The following MED7 variants were observed in gnomAD, a reference collection of about 807,000 sequenced individuals.
The protein encoded by MED7 is mediator complex subunit 7.
Under a neutral mutation model 16.6 loss-of-function variants are expected in MED7, and 7 were observed. The observed-to-expected ratio is 0.42, with a 90% CI of 0.24 to 0.79. The LOEUF is 0.79. Ranked by LOEUF, MED7 falls within the 30% of genes least tolerant of loss-of-function variation. The pLI, the probability that MED7 is intolerant of heterozygous loss-of-function variation, is 0.27. For missense variants in MED7, 240 were observed against 286.3 expected (o/e 0.84, Z 1.17); for synonymous variants, 88 against 90.5 (o/e 0.97, Z 0.16).
Position 157,138,982 on chromosome 5 carries a change from A to C in MED7, c.450T>G (p.Ala150=). ...GTTCCAGGTGCTTTTGAAATCTCTC[A>C]GCTGTTTCAAGCCGTTGACGTTTCT... is the stretch of plus-strand genomic sequence containing the variant. ...EVQKRQRLET[A]ERFQKHLERV... is the part of the protein sequence containing the mutation. Residue 150 remains alanine (A), a synonymous_variant, in exon 2 of 2, where the codon GCT becomes GCG. Transcript: ENST00000286317. 1.2e-6 allele frequency: 2 copies of C among 1,614,184 alleles called. No homozygotes were observed. The highest frequency in any genetic ancestry group is 1.7e-6 in the Non-Finnish European group (2 of 1,180,038).
At chr5:157,141,707 G>A (rs1757727306) in intron 1 of MED7, among the ~76,000 whole-genome samples, 2 of 152,032 alleles carry the variant, frequency 1.3e-5, no homozygotes. Flanking sequence ...TCCTGCCTGA[G>A]CCTCCTGAGT....
chr5:157,141,098 T>G (rs1757715904), intron 1 of MED7, among the ~76,000 whole-genome samples: 1 of 152,136 alleles, frequency 6.6e-6, no homozygotes, highest in Non-Finnish European at 1.5e-5. Flanking sequence ...TTTTTTTCCC[T>G]GAGACAGTGT....
chr5:157,141,282 G>C (rs1056536515), intron 1 of MED7, among the ~76,000 whole-genome samples: 2 of 152,044 alleles, frequency 1.3e-5, no homozygotes, highest in African/African-American at 4.8e-5. Flanking sequence ...AGATTTCATC[G>C]TGTTAGCCAG....
At chr5:157,141,462 G>A (rs975890685) in intron 1 of MED7, among the ~76,000 whole-genome samples, 2 of 152,186 alleles carry the variant, frequency 1.3e-5, no homozygotes, top group Non-Finnish European at 2.9e-5. Context: ...TTTCCTACAC[G>A]ATGTGCATTC....
At chr5:157,139,838 T>C (rs1180338136) in intron 1 of MED7, among the ~76,000 whole-genome samples, 2 of 152,154 alleles carry the variant, frequency 1.3e-5, no homozygotes, top group Admixed American at 6.6e-5. Context: ...TTTTATGTTA[T>C]AGATTTATTT....
Position 157,139,303 on chromosome 5 carries a change from C to A in MED7, c.129G>T (p.Met43Ile). The change falls in exon 2 of 2, where the codon ATG (methionine) becomes ATT (isoleucine). Residue 43 changes from methionine to isoleucine, a missense_variant. Met to Ile is a conservative substitution (Grantham distance 10). Coordinates refer to ENST00000286317, the MANE Select transcript of MED7 (RefSeq NM_004270.5). ...CACATTGGAACTGATTGCCAAACAT[C>A]ATGTAACTGTCTTTTATTGGAGGGG... ...KPPPPIKDSYMMFGNQFQCDD... is the reference protein window; with the variant it reads ...KPPPPIKDSYIMFGNQFQCDD... 1 of 1,614,124 alleles carries A rather than the reference C, an allele frequency of 6.2e-7. No individual in the cohort carries two copies. Among genetic ancestry groups the A allele is most frequent in the Non-Finnish European group, 8.5e-7 (1 of 1,180,018 alleles).
chr5:157,140,168 A>G (rs1280714603), intron 1 of MED7, among the ~76,000 whole-genome samples: 1 of 152,054 alleles, frequency 6.6e-6, no homozygotes, highest in Admixed American at 6.6e-5. Context: ...GGCGTGCACC[A>G]TGTCTGGCTA....
At position 157,139,873 on chromosome 5, in the gene MED7, C is replaced by A. The variant is rs188878671; in HGVS notation, c.-17-425G>T. On this transcript the variant is annotated intron_variant, in intron 1 of 1. Coordinates refer to ENST00000286317, the MANE Select transcript of MED7 (RefSeq NM_004270.5). ...TCCAATAGCAAACACTTACTTGTAT[C>A]TCTCATAAACACTCTGACAAAATTA... 2.6e-5 allele frequency among the ~76,000 whole-genome samples: 4 copies of A among 152,214 alleles called. No homozygotes were observed. In the East Asian group the frequency reaches 5.8e-4, roughly 22 times the overall value.
chr5:157,139,279 A>G lies in MED7; in HGVS notation c.153T>C (p.Cys51=). 1 of 1,614,228 alleles carries G rather than the reference A, an allele frequency of 6.2e-7. No homozygotes were observed. Among genetic ancestry groups the G allele is most frequent in the Non-Finnish European group, 8.5e-7 (1 of 1,180,044 alleles). Residue 51 remains cysteine, a synonymous_variant, in exon 2 of 2, where the codon TGT becomes TGC. Transcript: ENST00000286317. The part of the protein sequence containing the change: ...SYMMFGNQFQ[C]DDLIIRPLES... Reference sequence around the variant, plus strand: ...CCAAAGGGCGGATGATAAGATCATCACATTGGAACTGATTGCCAAACATCA... The same window carrying G: ...CCAAAGGGCGGATGATAAGATCATCGCATTGGAACTGATTGCCAAACATCA...
At chr5:157,141,600 G>C (rs748886674) in intron 1 of MED7, among the ~76,000 whole-genome samples, 1 of 151,770 alleles carries the variant, frequency 6.6e-6, no homozygotes. Flanking sequence ...TGTTAGTTTT[G>C]TTTTTTGAGA....
rs749479406 is a variant in MED7, at chr5:157,139,239, C to T, written c.193G>A (p.Glu65Lys). ...TCAAACTGCATAGGATGAAGCCGTTCGATGCCCTGACTTTCCAAAGGGCGG... is the reference window on the plus strand; with the variant it reads ...TCAAACTGCATAGGATGAAGCCGTTTGATGCCCTGACTTTCCAAAGGGCGG... ...IIRPLESQGI[E>K]RLHPMQFDHK... Residue 65 changes from glutamate (E) to lysine (K), a missense_variant, in exon 2 of 2, where the codon GAA (glutamate) becomes AAA (lysine). By Grantham distance (56) the Glu-to-Lys change is moderately conservative (BLOSUM62 1). Transcript: ENST00000286317. 3.8e-5 allele frequency: 61 copies of T among 1,613,912 alleles called. No homozygotes were observed. Among genetic ancestry groups the T allele is most frequent in the Non-Finnish European group, 5.2e-5 (61 of 1,179,946 alleles).
intron 1 of MED7, 48 bp downstream of exon 1, chr5:157,142,772 A>T (rs542413892): frequency 6.6e-6 from 1 of 152,442 alleles, no homozygotes; most frequent in Non-Finnish European, 1.5e-5. Context: ...GGTCCGGAAG[A>T]AAAAAACGCA....
At position 157,138,593 on chromosome 5, in the gene MED7, T is replaced by C. The variant is rs771151158; in HGVS notation, c.*137A>G. The C allele has an allele frequency of 4.5e-5, 31 of 686,600 alleles. No homozygotes were observed. The highest frequency in any genetic ancestry group is 7.2e-5 in the Non-Finnish European group (30 of 416,842). 42.5% of individuals were successfully genotyped at this position (686,600 alleles called of 1,614,324 possible). On this transcript the variant is annotated 3_prime_UTR_variant, in exon 2 of 2. Transcript: ENST00000286317. ...TACAGCGAAATTACTGCCTATGACA[T>C]CTCATAATTGAAAAATTTGGAGTCA...
At chr5:157,139,790 A>G (rs1757697226) in intron 1 of MED7, among the ~76,000 whole-genome samples, 1 of 149,190 alleles carries the variant, frequency 6.7e-6, no homozygotes, top group Non-Finnish European at 1.5e-5. Context: ...ACCAAACTAC[A>G]CAGGCTGTCT....
chr5:157,141,985 G>T (rs1309540086), intron 1 of MED7, among the ~76,000 whole-genome samples: 1 of 152,178 alleles, frequency 6.6e-6, no homozygotes, highest in African/African-American at 2.4e-5. Flanking sequence ...GTTAATAAAT[G>T]GCACAACAGG....
At chr5:157,141,883 A>G (rs948857026) in intron 1 of MED7, among the ~76,000 whole-genome samples, 1 of 152,102 alleles carries the variant, frequency 6.6e-6, no homozygotes, top group African/African-American at 2.4e-5. Context: ...GAGCCACCAC[A>G]CGGTCCCACG....
chr5:157,140,646 C>T lies in MED7; in HGVS notation c.-17-1198G>A, dbSNP rs902566570. Among the ~76,000 whole-genome samples the T allele has an allele frequency of 1.1e-4, 17 of 152,182 alleles. No individual in the cohort carries two copies. The South Asian group carries it at 2.3e-3, about 20-fold the overall frequency. ...GCAGCCTCGCCCTCCTAGGCTCAAG[C>T]GATCCTCCCACCTCAACCTCCCAAG... On this transcript the variant is annotated intron_variant, in intron 1 of 1. Coordinates refer to ENST00000286317, the MANE Select transcript of MED7 (RefSeq NM_004270.5).
intron 1 of MED7, among the ~76,000 whole-genome samples, chr5:157,140,193 A>G (rs1420712542): frequency 6.6e-6 from 1 of 151,994 alleles, no homozygotes; most frequent in African/African-American, 2.4e-5. Flanking sequence ...TTGTATTTTT[A>G]GTAGAGACGG....
At chr5:157,140,717 T>C (rs951897538) in intron 1 of MED7, among the ~76,000 whole-genome samples, 1 of 152,136 alleles carries the variant, frequency 6.6e-6, no homozygotes, top group Non-Finnish European at 1.5e-5. Context: ...AATTTTTGTA[T>C]ATTTTGTAGA....
Sources: allele counts gnomAD v4.1 joint callset (sites outside exome capture counted in the v4.1 genomes callset), GRCh38; gene constraint gnomAD v4.1.1; transcripts MANE v1.5; gene names NCBI Gene and HGNC (gene_info 2026-07-23, HGNC 2026-07-21).